Variants in ANXA2 observed in about 807,000 individuals in gnomAD.
The protein encoded by ANXA2 is annexin A2.
ANXA2 carries 28 observed loss-of-function variants against 47.3 expected under a neutral mutation model. The observed-to-expected ratio is 0.59, with a 90% CI of 0.44 to 0.81. ANXA2 has a LOEUF of 0.81. Ranked by LOEUF, ANXA2 falls within the 40% of genes least tolerant of loss-of-function variation. ANXA2 has a pLI of 0.00. For missense variants in ANXA2, 384 were observed against 414.3 expected, an observed-to-expected ratio of 0.93 and a Z score of 0.64; for synonymous variants, 172 against 155.5, an observed-to-expected ratio of 1.11 and a Z score of -0.79.
intron 3 of ANXA2, among the ~76,000 whole-genome samples, chr15:60,365,699 A>T (rs1438787881): frequency 1.3e-5 from 2 of 152,250 alleles, no homozygotes; most frequent in African/African-American, 4.8e-5. Context: ...ATAACTTTTT[A>T]AAATGTATAT....
intron 3 of ANXA2, among the ~76,000 whole-genome samples, chr15:60,375,705 A>C (rs999739688): frequency 6.6e-6 from 1 of 152,224 alleles, no homozygotes; most frequent in African/African-American, 2.4e-5. Context: ...ACAATCCTGC[A>C]TTTGGTTTAG....
At chr15:60,393,223 TTTGCTCCCTACTGACTTG>T in intron 1 of ANXA2, 1 of 1,121,232 alleles carries the variant, frequency 8.9e-7, no homozygotes, top group Non-Finnish European at 1.1e-6. Context: ...TCAATATTTG[TTTGCTCCCTACTGACTTG>T]TTGCAGCTTC....
At chr15:60,392,993 G>A (rs1321068458) in intron 1 of ANXA2, 4 of 1,255,492 alleles carry the variant, frequency 3.2e-6, no homozygotes, top group South Asian at 1.3e-5. Flanking sequence ...GGTTCCCACT[G>A]TACTCCATCC....
chr15:60,354,240 A>T (rs369037079), intron 7 of ANXA2, 27 bp from the exon 8 acceptor site: 1 of 1,564,866 alleles, frequency 6.4e-7, no homozygotes, highest in Admixed American at 1.8e-5. Context: ...AAGAACTTCA[A>T]ATACATTTCT....
At position 60,347,677 on chromosome 15, in the gene ANXA2, C is replaced by A. The variant is rs761392722; in HGVS notation, c.973G>T (p.Gly325Cys). 3 of 1,614,104 alleles carry A rather than the reference C, an allele frequency of 1.9e-6. No homozygotes were observed. Among genetic ancestry groups the A allele is most frequent in the Non-Finnish European group, 2.5e-6 (3 of 1,180,018 alleles). ...TACAGCAGCGCTTTCTGGTAGTCGCCCTTAGTGTCTTGCTACAATGGCCCA... is the reference window on the plus strand; with the variant it reads ...TACAGCAGCGCTTTCTGGTAGTCGCACTTAGTGTCTTGCTACAATGGCCCA... ...LYYYIQQDTK[G>C]DYQKALLYLC... Residue 325 changes from glycine to cysteine, a missense_variant, in exon 13 of 13, where the codon GGC becomes TGC. Transcript: ENST00000451270.
chr15:60,364,498 G>A lies in ANXA2; in HGVS notation c.174C>T (p.Asn58=), dbSNP rs1394595891. ...TKGVDEVTIV[N]ILTNRSNAQR... is the part of the protein sequence containing the mutation. ...GTGCATTGCTGCGGTTGGTCAAAAT[G>A]TTGACAATGGTGACCTCATCCACAC... is the stretch of plus-strand genomic sequence containing the variant. Residue 58 remains asparagine (N), a synonymous_variant, in exon 4 of 13, where the codon AAC becomes AAT. Coordinates refer to ENST00000451270, the MANE Select transcript of ANXA2 (RefSeq NM_004039.3). 6.2e-7 allele frequency: 1 copy of A among 1,613,348 alleles called. No homozygotes were observed. Among genetic ancestry groups the A allele is most frequent in the Non-Finnish European group, 8.5e-7 (1 of 1,179,788 alleles).
At chr15:60,357,099 A>G in intron 6 of ANXA2, 47 bp downstream of exon 6, 1 of 1,561,746 alleles carries the variant, frequency 6.4e-7, no homozygotes, top group Non-Finnish European at 8.8e-7. Context: ...TGATAGAGTC[A>G]CATAAATTGG....
intron 1 of ANXA2, among the ~76,000 whole-genome samples, chr15:60,391,553 G>T (rs575959154): frequency 6.6e-6 from 1 of 152,236 alleles, no homozygotes; most frequent in East Asian, 1.9e-4. Context: ...TGGAAATACT[G>T]GGGAACCTAT....
At chr15:60,382,598 C>T (rs996323279) in intron 2 of ANXA2, 157 bp from the exon 3 acceptor site, 33 of 483,638 alleles carry the variant, frequency 6.8e-5, no homozygotes, top group East Asian at 9.8e-5. Flanking sequence ...TCACACTTCA[C>T]GCAAGCAATT....
chr15:60,363,072 A>C (rs191728400), intron 4 of ANXA2: 1 of 139,248 alleles, frequency 7.2e-6, no homozygotes, highest in African/African-American at 2.6e-5. Context: ...TCAGGCTTCT[A>C]TGTGTGTGTG....
rs2062366015 is a variant in ANXA2 at position 60,352,541 on chromosome 15, T to A, written c.589-65A>T. 1.6e-6 allele frequency: 2 copies of A among 1,242,172 alleles called. No homozygotes were observed. The highest frequency in any genetic ancestry group is 1.5e-5 in the African/African-American group (1 of 65,936). 76.9% of individuals were successfully genotyped at this position (1,242,172 alleles called of 1,614,324 possible). The stretch of plus-strand genomic sequence containing the variant: ...CAATGTAACGTCAAAAAAAATGTCA[T>A]GCAAAAAAAACAAAAAAAGCTACAC... On this transcript the variant is annotated intron_variant, in intron 8 of 12. Transcript: ENST00000451270. The surrounding 1 kb of genome is among the most constrained non-coding windows in gnomAD (Gnocchi z 4.2).
chr15:60,370,648 G>A (rs563187585), intron 3 of ANXA2, among the ~76,000 whole-genome samples: 1 of 152,174 alleles, frequency 6.6e-6, no homozygotes, highest in Non-Finnish European at 1.5e-5. Context: ...ACCTATGTCA[G>A]CACAATCATC....
At chr15:60,348,226 T>C (rs534780467) in intron 12 of ANXA2, among the ~76,000 whole-genome samples, 20 of 152,294 alleles carry the variant, frequency 1.3e-4, no homozygotes, top group African/African-American at 3.1e-4. Flanking sequence ...TTGCTAACCA[T>C]GGGCATGCCT....
chr15:60,365,879 C>T (rs2062590083), intron 3 of ANXA2, among the ~76,000 whole-genome samples: 1 of 138,496 alleles, frequency 7.2e-6, no homozygotes. Flanking sequence ...TCTCCCTCCA[C>T]GGTCTCCCTC....
At chr15:60,378,768 G>T (rs540631053) in intron 3 of ANXA2, among the ~76,000 whole-genome samples, 76 of 152,082 alleles carry the variant, frequency 5.0e-4, no homozygotes, top group African/African-American at 1.7e-3. Flanking sequence ...GAGTTCGAGA[G>T]CAGCCTGGCC....
At chr15:60,360,370 A>T (rs901591421) in intron 5 of ANXA2, among the ~76,000 whole-genome samples, 10 of 152,260 alleles carry the variant, frequency 6.6e-5, no homozygotes, top group Non-Finnish European at 1.5e-4. Flanking sequence ...GGTTCAAAAG[A>T]ACTTTACAAA....
At chr15:60,397,776 C>T (rs2063101541) in intron 1 of ANXA2, 167 bp downstream of exon 1, 4 of 1,152,908 alleles carry the variant, frequency 3.5e-6, no homozygotes, top group Non-Finnish European at 4.5e-6. Context: ...CCTGAGCCCC[C>T]TCCCCAAAGA....
At chr15:60,385,154 T>G (rs892909875) in intron 2 of ANXA2, among the ~76,000 whole-genome samples, 1 of 152,222 alleles carries the variant, frequency 6.6e-6, no homozygotes, top group Non-Finnish European at 1.5e-5. Context: ...AATTCCCTAA[T>G]AGCCACAGAA....
chr15:60,393,991 C>T (rs1019446572), intron 1 of ANXA2, among the ~76,000 whole-genome samples: 1 of 152,172 alleles, frequency 6.6e-6, no homozygotes, highest in Non-Finnish European at 1.5e-5. Flanking sequence ...GAATGCAGTT[C>T]CAGTTCCGTG....
Sources: allele counts gnomAD v4.1 joint callset (sites outside exome capture counted in the v4.1 genomes callset), GRCh38; gene constraint gnomAD v4.1.1; non-coding constraint Gnocchi (gnomAD v3.1); transcripts MANE v1.5; gene names NCBI Gene and HGNC (gene_info 2026-07-23, HGNC 2026-07-21).